GXYLT2: variants seen among roughly 807,000 people sequenced by gnomAD.
The protein encoded by GXYLT2 is glycosyltransferase 8 domain containing 4.
Under a neutral mutation model 45.8 loss-of-function variants are expected in GXYLT2, and 53 were observed. The ratio of observed to expected loss-of-function variants is 1.16; its 90% confidence interval spans 0.93 to 1.46. The LOEUF (loss-of-function observed/expected upper bound fraction) is 1.46, where lower values mean the gene tolerates loss of function less well. GXYLT2 is among the 40% of genes most tolerant of loss of function. GXYLT2 has a pLI of 0.00. For synonymous variants in GXYLT2, 219 were observed against 214.2 expected (o/e 1.02, Z -0.19); for missense variants, 551 against 544.4 (o/e 1.01, Z -0.12).
chr3:72,942,223 A>G (rs1053633314), intron 3 of GXYLT2, among the ~76,000 whole-genome samples: 1 of 152,112 alleles, frequency 6.6e-6, no homozygotes, highest in Non-Finnish European at 1.5e-5. Flanking sequence ...CACTTAAAAT[A>G]ATTTTTCATA....
chr3:72,911,897 A>C (rs1709630163), intron 2 of GXYLT2, among the ~76,000 whole-genome samples: 1 of 149,968 alleles, frequency 6.7e-6, no homozygotes, highest in Admixed American at 6.7e-5. Flanking sequence ...TATCCCCTCC[A>C]TGCCTGGCTA....
At chr3:72,955,909 C>G (rs1035807969) in intron 4 of GXYLT2, among the ~76,000 whole-genome samples, 1 of 152,108 alleles carries the variant, frequency 6.6e-6, no homozygotes, top group African/African-American at 2.4e-5. Flanking sequence ...GAAACCCTGT[C>G]TCTATTAAAA....
chr3:72,892,533 CAGAA>C (rs1709202571), intron 1 of GXYLT2, among the ~76,000 whole-genome samples: 1 of 151,774 alleles, frequency 6.6e-6, no homozygotes, highest in Non-Finnish European at 1.5e-5. Flanking sequence ...GCTGCCCTCC[CAGAA>C]TTTGAGGGAA....
At chr3:72,911,998 T>C in intron 2 of GXYLT2, among the ~76,000 whole-genome samples, 2 of 125,934 alleles carry the variant, frequency 1.6e-5, no homozygotes, top group East Asian at 4.0e-4. Context: ...TGTGTGTATA[T>C]ATATATATAT....
chr3:72,924,232 C>A (rs1415854943), intron 3 of GXYLT2, among the ~76,000 whole-genome samples: 1 of 147,896 alleles, frequency 6.8e-6, no homozygotes, highest in Non-Finnish European at 1.5e-5. Context: ...CACTCTCTGT[C>A]GCCCCTGCTG....
chr3:72,903,953 G>A (rs568492626), intron 1 of GXYLT2, among the ~76,000 whole-genome samples: 4 of 152,126 alleles, frequency 2.6e-5, no homozygotes, highest in African/African-American at 9.7e-5. Context: ...CTAGATCCAG[G>A]TGGTATCACC....
chr3:72,943,197 G>A (rs1710331242), intron 3 of GXYLT2, among the ~76,000 whole-genome samples: 1 of 152,008 alleles, frequency 6.6e-6, no homozygotes, highest in Non-Finnish European at 1.5e-5. Flanking sequence ...AGGAGGACAG[G>A]GACCTCATAT....
chr3:72,934,236 C>T (rs1710135038), intron 3 of GXYLT2, among the ~76,000 whole-genome samples: 1 of 151,696 alleles, frequency 6.6e-6, no homozygotes, highest in African/African-American at 2.4e-5. Flanking sequence ...AGGTGTGCAC[C>T]ACCATGCCAG....
At position 72,965,238 on chromosome 3, in the gene GXYLT2, C is replaced by T. The variant is rs146695759; in HGVS notation, c.977-2309C>T. 2.4e-3 allele frequency among the ~76,000 whole-genome samples: 360 copies of T among 152,308 alleles called. 1 individual carries two copies. The highest frequency in any genetic ancestry group is 7.7e-3 in the African/African-American group (318 of 41,568). On this transcript the variant is annotated intron_variant, in intron 5 of 6. Coordinates refer to ENST00000389617, the MANE Select transcript of GXYLT2 (RefSeq NM_001080393.2). ...CTAAATGTCACTGTCCTATAAAAGACTGAGCCCTGAAAACATACACAGCCT... is the reference window on the plus strand; with the variant it reads ...CTAAATGTCACTGTCCTATAAAAGATTGAGCCCTGAAAACATACACAGCCT...
intron 3 of GXYLT2, among the ~76,000 whole-genome samples, chr3:72,927,602 G>A (rs946257269): frequency 1.3e-5 from 2 of 152,066 alleles, no homozygotes; most frequent in African/African-American, 4.8e-5. Context: ...TTAACATTGA[G>A]ACATCCTTGC....
At chr3:72,915,356 CGGGG>C (rs549040869) in intron 2 of GXYLT2, among the ~76,000 whole-genome samples, 5 of 17,454 alleles carry the variant, frequency 2.9e-4, no homozygotes, top group African/African-American at 9.9e-4. Flanking sequence ...TTTTTTTTTG[CGGGG>C]GGGGGGGGGA....
intron 3 of GXYLT2, among the ~76,000 whole-genome samples, chr3:72,932,012 A>C (rs759441051): frequency 6.6e-6 from 1 of 152,216 alleles, no homozygotes; most frequent in African/African-American, 2.4e-5. Context: ...TTGTATTTCA[A>C]TCAATTAGGT....
intron 5 of GXYLT2, 147 bp downstream of exon 5, chr3:72,957,499 G>C (rs1185545469): frequency 1.3e-6 from 1 of 753,098 alleles, no homozygotes; most frequent in Non-Finnish European, 2.1e-6. Context: ...CCTTTCATCC[G>C]CCCCCCTGGG....
chr3:72,914,838 C>A (rs1709705414), intron 2 of GXYLT2, among the ~76,000 whole-genome samples: 1 of 152,152 alleles, frequency 6.6e-6, no homozygotes, highest in African/African-American at 2.4e-5. Flanking sequence ...CCAGCCCTCC[C>A]ACTGGTCTTC....
Position 72,922,213 on chromosome 3 carries a change from T to TG in GXYLT2, c.480dup (p.Pro161AlafsTer2). The TG allele has an allele frequency of 6.2e-7, 1 of 1,613,006 alleles. No homozygotes were observed. The highest frequency in any genetic ancestry group is 8.5e-7 in the Non-Finnish European group (1 of 1,179,498). On this transcript the variant is annotated frameshift_variant, in exon 3 of 7. Transcript: ENST00000389617. LOFTEE classifies it high-confidence loss of function. ...TTCCCATGTTTTTCAGTTACGCCAG[T>TG]GGCCTGACTCATATACAAAGAAGTT...
chr3:72,894,324 C>A (rs929981213), intron 1 of GXYLT2, among the ~76,000 whole-genome samples: 1 of 152,122 alleles, frequency 6.6e-6, no homozygotes, highest in African/African-American at 2.4e-5. Flanking sequence ...TCTTTTAAAT[C>A]AAAATCTTGG....
chr3:72,955,141 A>T lies in GXYLT2; in HGVS notation c.644A>T (p.Asp215Val). Residue 215 changes from aspartate to valine, a missense_variant, in exon 4 of 7, where the codon GAT becomes GTT. By Grantham distance (152) the Asp-to-Val change is radical (BLOSUM62 -3). Transcript: ENST00000389617. ...GACTCACTTCTCTACGTGGACACCG[A>T]TGTCCTCTTTCTGAGACCTGTTGAT... The part of the protein sequence containing the change: ...DVDSLLYVDT[D>V]VLFLRPVDDI... The T allele has an allele frequency of 6.2e-7, 1 of 1,613,944 alleles. No homozygotes were observed. The highest frequency in any genetic ancestry group is 8.5e-7 in the Non-Finnish European group (1 of 1,179,866).
chr3:72,939,684 CT>C (rs34955124), intron 3 of GXYLT2, among the ~76,000 whole-genome samples: 96 of 139,198 alleles, frequency 6.9e-4, no homozygotes, highest in Admixed American at 8.7e-4. Flanking sequence ...CTTTTCTTTC[CT>C]TTTTTTTTTT....
chr3:72,888,571 C>A, intron 1 of GXYLT2, 63 bp downstream of exon 1: 1 of 1,053,978 alleles, frequency 9.5e-7, no homozygotes, highest in South Asian at 4.4e-5. Context: ...ACACCCGTGC[C>A]AAGTCCAAGG....
Sources: allele counts gnomAD v4.1 joint callset (sites outside exome capture counted in the v4.1 genomes callset), GRCh38; gene constraint gnomAD v4.1.1; transcripts MANE v1.5; gene names NCBI Gene and HGNC (gene_info 2026-07-23, HGNC 2026-07-21).